SOX6: variants seen among roughly 807,000 people sequenced by gnomAD.
SOX6 encodes SRY-box transcription factor 6.
A neutral mutation model predicts 97.8 loss-of-function variants in SOX6; 11 were observed. The ratio of observed to expected loss-of-function variants is 0.11; its 90% CI spans 0.07 to 0.19. The LOEUF (loss-of-function observed/expected upper bound fraction) is 0.19, where lower values mean the gene tolerates loss of function less well. Among genes scored for constraint, SOX6 ranks in the 10% least tolerant of loss-of-function variants. The pLI is 1.00. For missense variants in SOX6, 810 were observed against 1,039.5 expected, an observed-to-expected ratio of 0.78 and a Z score of 3.04; for synonymous variants, 360 against 371.4, an observed-to-expected ratio of 0.97 and a Z score of 0.35.
At chr11:16,083,160 T>C (rs1848507620) in intron 9 of SOX6, among the ~76,000 whole-genome samples, 1 of 152,192 alleles carries the variant, frequency 6.6e-6, no homozygotes, top group Admixed American at 6.5e-5. Flanking sequence ...TTTCATAGCA[T>C]TTCACTCGGG....
At chr11:16,276,539 C>T (rs1009324577) in intron 3 of SOX6, among the ~76,000 whole-genome samples, 27 of 152,118 alleles carry the variant, frequency 1.8e-4, no homozygotes, top group African/African-American at 3.6e-4. Flanking sequence ...TTACCTCTGT[C>T]CCCCAAATAA....
At chr11:16,498,780 A>C (rs969152917) in intron 4 of SOX6, among the ~76,000 whole-genome samples, 4 of 152,164 alleles carry the variant, frequency 2.6e-5, no homozygotes, top group Admixed American at 6.5e-5. Context: ...ATATATGCAC[A>C]CAATAAAGGA....
intron 3 of SOX6, among the ~76,000 whole-genome samples, chr11:16,268,464 A>T (rs568852000): frequency 2.1e-4 from 32 of 151,326 alleles, no homozygotes; most frequent in African/African-American, 7.5e-4. Context: ...GGATCATTTC[A>T]TAATGGCAAA....
chr11:16,714,086 AT>A (rs1375003434), intron 3 of SOX6, among the ~76,000 whole-genome samples: 1 of 152,106 alleles, frequency 6.6e-6, no homozygotes, highest in Non-Finnish European at 1.5e-5. Flanking sequence ...ATTCTACATA[AT>A]TTTTCAAAAG....
intron 4 of SOX6, among the ~76,000 whole-genome samples, chr11:16,507,839 A>T (rs1590227306): frequency 6.6e-6 from 1 of 152,214 alleles, no homozygotes; most frequent in East Asian, 1.9e-4. Context: ...TTTTATGGCT[A>T]AGACTTCAAA....
At chr11:16,376,363 TAGAG>T (rs945746272) in intron 1 of SOX6, among the ~76,000 whole-genome samples, 1 of 151,644 alleles carries the variant, frequency 6.6e-6, no homozygotes, top group Non-Finnish European at 1.5e-5. Flanking sequence ...ATAGTGGAAA[TAGAG>T]AGAGAGAGGC....
At chr11:16,352,723 T>C (rs1466508899) in intron 1 of SOX6, among the ~76,000 whole-genome samples, 1 of 152,158 alleles carries the variant, frequency 6.6e-6, no homozygotes, top group Non-Finnish European at 1.5e-5. Flanking sequence ...TGGTTAGATA[T>C]TCTAAATACT....
At chr11:16,664,920 T>C (rs1847795675) in intron 3 of SOX6, among the ~76,000 whole-genome samples, 1 of 151,944 alleles carries the variant, frequency 6.6e-6, no homozygotes, top group Non-Finnish European at 1.5e-5. Flanking sequence ...CCCTAGCTCT[T>C]GGATGACATT....
At position 16,425,999 on chromosome 11, in the gene SOX6, G is replaced by A. The variant is rs547582596; in HGVS notation, c.-5+50316C>T. Among the ~76,000 whole-genome samples the A allele has an allele frequency of 2.6e-5, 4 of 151,834 alleles. No individual in the cohort carries two copies. The East Asian group carries it at 7.8e-4, about 29-fold the overall frequency. ...AGGCTGGGCGCAGTGGCTCTCACCT[G>A]TAATCCCAGCACTTTGGGAGGCCGA... On this transcript the variant is annotated intron_variant, in intron 1 of 15. Transcript: ENST00000396356.
chr11:16,653,712 T>A (rs973182651), intron 3 of SOX6, among the ~76,000 whole-genome samples: 3 of 151,984 alleles, frequency 2.0e-5, no homozygotes, highest in Admixed American at 2.0e-4. Flanking sequence ...TCTCAGAAAT[T>A]ACCAGTAAGT....
At chr11:16,398,820 A>G (rs998650372) in intron 1 of SOX6, among the ~76,000 whole-genome samples, 2 of 144 alleles carry the variant, frequency 0.014, no homozygotes, top group South Asian at 0.17. Context: ...AGGCTATGGA[A>G]AAAAAAAAAC....
At chr11:16,714,334 C>A (rs556353315) in intron 3 of SOX6, among the ~76,000 whole-genome samples, 1 of 151,768 alleles carries the variant, frequency 6.6e-6, no homozygotes, top group Admixed American at 6.6e-5. Flanking sequence ...TCTTTTCATA[C>A]AATGTCATGT....
chr11:16,702,215 G>A (rs1238776990), intron 3 of SOX6, among the ~76,000 whole-genome samples: 1 of 152,090 alleles, frequency 6.6e-6, no homozygotes, highest in Non-Finnish European at 1.5e-5. Flanking sequence ...CAACAATTTA[G>A]GCAGCTGAAA....
intron 3 of SOX6, among the ~76,000 whole-genome samples, chr11:16,295,557 C>G (rs571949286): frequency 6.6e-6 from 1 of 152,108 alleles, no homozygotes; most frequent in South Asian, 2.1e-4. Flanking sequence ...AAGAGAAATA[C>G]AATTCTATTG....
chr11:16,732,701 C>G (rs1848359852), intron 2 of SOX6, among the ~76,000 whole-genome samples: 1 of 152,070 alleles, frequency 6.6e-6, no homozygotes, highest in Non-Finnish European at 1.5e-5. Flanking sequence ...ACTAAAACAC[C>G]AAAAACAATG....
intron 6 of SOX6, among the ~76,000 whole-genome samples, chr11:16,160,373 C>G (rs557075398): frequency 1.1e-4 from 16 of 152,130 alleles, no homozygotes; most frequent in Admixed American, 1.0e-3. Flanking sequence ...GCAGCTCAGG[C>G]AAACTACAGG....
chr11:16,317,103 A>C (rs1379687317), intron 3 of SOX6: 1 of 151,968 alleles, frequency 6.6e-6, no homozygotes, highest in Non-Finnish European at 1.5e-5. Context: ...ACATATATAC[A>C]AAAAGATATA....
At chr11:16,299,549 T>C (rs1030634406) in intron 3 of SOX6, among the ~76,000 whole-genome samples, 8 of 152,202 alleles carry the variant, frequency 5.3e-5, no homozygotes, top group Admixed American at 1.3e-4. Flanking sequence ...CATTCTTTTT[T>C]TTAAAATCAC....
At chr11:16,241,680 G>C (rs1439091099) in intron 3 of SOX6, among the ~76,000 whole-genome samples, 1 of 151,822 alleles carries the variant, frequency 6.6e-6, no homozygotes, top group Non-Finnish European at 1.5e-5. Flanking sequence ...GCCACACAAA[G>C]ACAAATTCAA....
Sources: gnomAD v4.1 joint callset for allele counts (sites outside exome capture counted in the v4.1 genomes callset) on GRCh38, gnomAD v4.1.1 for gene constraint, MANE v1.5 for transcripts, NCBI Gene and HGNC (gene_info 2026-07-23, HGNC 2026-07-21) for gene names.